The following KANK1 variants were observed in gnomAD, a reference collection of about 807,000 sequenced individuals.
KANK1 encodes KN motif and ankyrin repeat domains 1.
In KANK1, 109 loss-of-function variants were observed where a neutral mutation model predicts 106.2. That is an observed-to-expected ratio of 1.03 (90% CI 0.88 to 1.20). The LOEUF is 1.20. KANK1 is among the 50% of genes most tolerant of loss of function. The pLI is 0.00. For synonymous variants in KANK1, 873 were observed against 652.2 expected, an observed-to-expected ratio of 1.34 and a Z score of -5.16; for missense variants, 2,399 against 1,710.7, an observed-to-expected ratio of 1.40 and a Z score of -7.10.
In KANK1 at chr9:711,760, C is replaced by T. The variant is rs201141655; in HGVS notation, c.994C>T (p.Leu332=). The T allele has an allele frequency of 1.3e-5, 21 of 1,614,214 alleles. No individual in the cohort carries two copies. The highest frequency in any genetic ancestry group is 1.7e-5 in the Non-Finnish European group (20 of 1,180,032). Residue 332 remains leucine (L), a synonymous_variant, in exon 3 of 12, where the codon CTG becomes TTG. Transcript: ENST00000382297. ...CTATAGTGCGGGGAACGCCTCCCAG[C>T]TGGAACAGCTCTCCCGGGCCCGAAG... ...RSYSAGNASQ[L]EQLSRARRSG...
At chr9:516,563 C>G (rs1267065425) in intron 1 of KANK1, among the ~76,000 whole-genome samples, 1 of 151,338 alleles carries the variant, frequency 6.6e-6, no homozygotes, top group Non-Finnish European at 1.5e-5. Context: ...GGAAGGGGAG[C>G]GGTTTTGGCT....
chr9:729,710 T>C (rs1831693114), intron 3 of KANK1, among the ~76,000 whole-genome samples: 1 of 152,106 alleles, frequency 6.6e-6, no homozygotes, highest in Non-Finnish European at 1.5e-5. Flanking sequence ...AATGATGGCA[T>C]TGGAGCTGGC....
chr9:549,988 C>A (rs942351411), intron 1 of KANK1, among the ~76,000 whole-genome samples: 4 of 152,110 alleles, frequency 2.6e-5, no homozygotes, highest in Non-Finnish European at 5.9e-5. Context: ...AGAATTAACA[C>A]TGGGGACACT....
chr9:675,744 A>G (rs764035632), intron 1 of KANK1, among the ~76,000 whole-genome samples: 11 of 152,330 alleles, frequency 7.2e-5, no homozygotes, highest in Non-Finnish European at 1.6e-4. Flanking sequence ...GAATCCATAG[A>G]GTAAAGTAAA....
chr9:656,598 C>T (rs541203885), intron 1 of KANK1, among the ~76,000 whole-genome samples: 6 of 152,200 alleles, frequency 3.9e-5, no homozygotes, highest in Admixed American at 6.5e-5. Context: ...TTTTAAAGGA[C>T]ATCTCCATGG....
intron 1 of KANK1, among the ~76,000 whole-genome samples, chr9:558,008 A>T (rs191760662): frequency 2.6e-5 from 4 of 151,012 alleles, no homozygotes; most frequent in Non-Finnish European, 5.9e-5. Flanking sequence ...CTCTCAAAAA[A>T]CAAACAAACA....
rs189926092 is a variant in KANK1 at position 584,938 on chromosome 9, A to G, written c.-84+80184A>G. ...TTGCCTTCCTCCCAGTTTCTCCTCA[A>G]TGCCTTGCAGTCAGCATCCTGTATC... On this transcript the variant is annotated intron_variant, in intron 1 of 11. Transcript: ENST00000382297. 8.5e-5 allele frequency among the ~76,000 whole-genome samples: 13 copies of G among 152,244 alleles called. No individual in the cohort carries two copies. In the East Asian group the frequency reaches 1.7e-3, roughly 20 times the overall value.
At chr9:732,344 C>G (rs749386635) in intron 5 of KANK1, 34 bp from the exon 6 acceptor site, 42 of 1,595,152 alleles carry the variant, frequency 2.6e-5, no homozygotes, top group Non-Finnish European at 3.3e-5. Flanking sequence ...CGTGAGCACA[C>G]CTTGCATCTC....
intron 2 of KANK1, among the ~76,000 whole-genome samples, chr9:687,732 G>C (rs995023006): frequency 1.3e-5 from 2 of 152,114 alleles, no homozygotes; most frequent in African/African-American, 4.8e-5. Flanking sequence ...GGCATTCTCA[G>C]ATACTCCCAA....
chr9:598,984 A>C, intron 1 of KANK1, among the ~76,000 whole-genome samples: 1 of 144,480 alleles, frequency 6.9e-6, no homozygotes, highest in South Asian at 2.2e-4. Flanking sequence ...TTGTTTTCTT[A>C]ATTTACTTTA....
intron 1 of KANK1, among the ~76,000 whole-genome samples, chr9:562,952 C>T (rs1247858031): frequency 4.6e-5 from 7 of 152,174 alleles, no homozygotes; most frequent in Admixed American, 3.9e-4. Context: ...GTGTGCTTCT[C>T]ATCTTTGTGG....
intron 1 of KANK1, among the ~76,000 whole-genome samples, chr9:668,754 G>A (rs1056435190): frequency 2.6e-5 from 4 of 152,072 alleles, no homozygotes; most frequent in East Asian, 1.9e-4. Flanking sequence ...CTGTTTTGGC[G>A]CCAGGGACCA....
intron 1 of KANK1, among the ~76,000 whole-genome samples, chr9:611,833 C>T (rs1192161596): frequency 6.6e-6 from 1 of 152,172 alleles, no homozygotes; most frequent in East Asian, 1.9e-4. Context: ...ATTTTCCTGC[C>T]TCAGCCTCCT....
chr9:564,387 G>C (rs963277950), intron 1 of KANK1, among the ~76,000 whole-genome samples: 1 of 152,110 alleles, frequency 6.6e-6, no homozygotes, highest in African/African-American at 2.4e-5. Context: ...TAGCAAAGTA[G>C]AAGTTGTAAA....
chr9:534,330 G>A (rs1050161009), intron 1 of KANK1, among the ~76,000 whole-genome samples: 2 of 152,180 alleles, frequency 1.3e-5, no homozygotes, highest in African/African-American at 4.8e-5. Flanking sequence ...TGCTCGGTTG[G>A]CTACATGTGC....
intron 11 of KANK1, chr9:744,913 G>A: frequency 1.4e-6 from 2 of 1,420,084 alleles, no homozygotes; most frequent in Non-Finnish European, 9.2e-7. Context: ...CATTGTTCCT[G>A]AAGCAGATGG....
Position 711,017 on chromosome 9 carries a change from G to C in KANK1, c.251G>C (p.Gly84Ala). ...CCCAGGACCACATCTGGTCAGCAAG[G>C]TATATGGACTTCCACTGAATCCCTC... ...PEPRTTSGQQ[G>A]IWTSTESLSS... Residue 84 changes from glycine to alanine, a missense_variant, in exon 3 of 12, where the codon GGT becomes GCT. Coordinates refer to ENST00000382297, the MANE Select transcript of KANK1 (RefSeq NM_015158.5). 6.2e-7 allele frequency: 1 copy of C among 1,614,172 alleles called. No individual in the cohort carries two copies. The highest frequency in any genetic ancestry group is 8.5e-7 in the Non-Finnish European group (1 of 1,180,022).
chr9:560,838 G>A (rs1816229170), intron 1 of KANK1, among the ~76,000 whole-genome samples: 1 of 152,080 alleles, frequency 6.6e-6, no homozygotes, highest in Admixed American at 6.5e-5. Context: ...ACACAATTAA[G>A]CTCTACTGAA....
chr9:700,279 T>C (rs1294484769), intron 2 of KANK1, among the ~76,000 whole-genome samples: 1 of 152,246 alleles, frequency 6.6e-6, no homozygotes, highest in Non-Finnish European at 1.5e-5. Flanking sequence ...CTACCCTTTT[T>C]ATTGTGTGTT....
Sources: allele counts gnomAD v4.1 joint callset (sites outside exome capture counted in the v4.1 genomes callset), GRCh38; gene constraint gnomAD v4.1.1; transcripts MANE v1.5; gene names NCBI Gene and HGNC (gene_info 2026-07-23, HGNC 2026-07-21).